Variants in TNRC6C observed in about 807,000 individuals in gnomAD.
TNRC6C encodes the protein trinucleotide repeat-containing gene 6C protein.
TNRC6C carries 20 observed loss-of-function variants against 153.7 expected under a neutral mutation model. The ratio of observed to expected loss-of-function variants is 0.13; its 90% confidence interval spans 0.09 to 0.19. The LOEUF (loss-of-function observed/expected upper bound fraction) is 0.19. Ranked by LOEUF, TNRC6C falls within the 10% of genes least tolerant of loss-of-function variation. The pLI is 1.00. For missense variants in TNRC6C, 1,987 were observed against 2,172.0 expected, an observed-to-expected ratio of 0.91 and a Z score of 1.69; for synonymous variants, 811 against 841.4, an observed-to-expected ratio of 0.96 and a Z score of 0.63.
intron 1 of TNRC6C, among the ~76,000 whole-genome samples, chr17:78,020,897 C>T (rs2071819745): frequency 6.6e-6 from 1 of 152,234 alleles, no homozygotes; most frequent in Non-Finnish European, 1.5e-5. Context: ...TCCTTCCCCT[C>T]TACACTTGTC....
intron 5 of TNRC6C, among the ~76,000 whole-genome samples, chr17:78,069,144 T>C (rs569066756): frequency 5.3e-5 from 8 of 151,284 alleles, no homozygotes; most frequent in African/African-American, 1.9e-4. Context: ...ACTGGAAAAA[T>C]ATGTTTATAA....
chr17:77,959,862 C>T (rs1393289338), intron 1 of TNRC6C, among the ~76,000 whole-genome samples: 3 of 152,180 alleles, frequency 2.0e-5, no homozygotes, highest in Admixed American at 1.3e-4. Flanking sequence ...GCCGCCTCTG[C>T]TTTAAGCGGT....
At chr17:78,093,732 G>A (rs2073432796) in exon 16 of TNRC6C, 2 of 1,613,826 alleles carry the variant, frequency 1.2e-6, no homozygotes, top group South Asian at 2.2e-5. Context: ...CCACCATCCA[G>A]GATGTCAACC....
At chr17:78,098,681 T>C (rs1327883975) in intron 17 of TNRC6C, 144 bp downstream of exon 20, 1 of 838,238 alleles carries the variant, frequency 1.2e-6, no homozygotes, top group Admixed American at 3.0e-5. Context: ...AGGGCCACCC[T>C]AGATGTCCAT....
chr17:77,993,162 A>G (rs141632647), intron 1 of TNRC6C, among the ~76,000 whole-genome samples: 1,978 of 152,236 alleles, frequency 0.013, 14 homozygotes, highest in Non-Finnish European at 0.02. Flanking sequence ...GGGTTTTACC[A>G]TGATGGCCAG....
intron 1 of TNRC6C, among the ~76,000 whole-genome samples, chr17:78,018,052 TCTA>T (rs1422957645): frequency 1.3e-5 from 2 of 152,362 alleles, no homozygotes; most frequent in Admixed American, 6.5e-5. Flanking sequence ...TAATGTCTCT[TCTA>T]CTATATGATA....
intron 1 of TNRC6C, among the ~76,000 whole-genome samples, chr17:77,965,888 T>C (rs2144039082): frequency 6.6e-6 from 1 of 152,338 alleles, no homozygotes; most frequent in South Asian, 2.1e-4. Flanking sequence ...TTTCCCAAAC[T>C]TATGTGGCCA....
chr17:78,007,753 T>C (rs1223120339), intron 1 of TNRC6C, among the ~76,000 whole-genome samples: 3 of 152,216 alleles, frequency 2.0e-5, no homozygotes, highest in African/African-American at 7.2e-5. Context: ...TAAATTAGAT[T>C]GCATAATATA....
chr17:78,066,640 T>C (rs905493769), intron 4 of TNRC6C: 5 of 152,212 alleles, frequency 3.3e-5, no homozygotes, highest in Non-Finnish European at 7.3e-5. Flanking sequence ...TTCCAAGAAG[T>C]GAAAATTTGG....
At chr17:78,042,643 A>C (rs1256934334) in intron 2 of TNRC6C, among the ~76,000 whole-genome samples, 1 of 151,848 alleles carries the variant, frequency 6.6e-6, no homozygotes, top group African/African-American at 2.4e-5. Flanking sequence ...TATTCTGATT[A>C]AAAGAATATG....
At chr17:78,102,895 T>C (rs1410560653) in intron 18 of TNRC6C, 5 of 258,240 alleles carry the variant, frequency 1.9e-5, no homozygotes, top group Non-Finnish European at 3.7e-5. Flanking sequence ...CCCAGCACTT[T>C]GGGAGGCCGA....
chr17:78,077,583 G>C (rs2073106541), intron 9 of TNRC6C: 1 of 545,638 alleles, frequency 1.8e-6, no homozygotes, highest in South Asian at 2.0e-5. Context: ...CAGCACCCTT[G>C]GTGCTAACTT....
At chr17:77,985,370 G>A (rs1229076181) in intron 1 of TNRC6C, among the ~76,000 whole-genome samples, 1 of 151,816 alleles carries the variant, frequency 6.6e-6, no homozygotes, top group Non-Finnish European at 1.5e-5. Context: ...CGAGGCGGGC[G>A]GATCATGAGG....
At chr17:78,002,651 G>A (rs1488565470), upstream of TNRC6C, among the ~76,000 whole-genome samples, 1 of 152,184 alleles carries the variant, frequency 6.6e-6, no homozygotes, top group Non-Finnish European at 1.5e-5. Context: ...CCAGCACTTT[G>A]GGAGGCTGAG....
Position 78,062,069 on chromosome 17 carries a change from A to G in TNRC6C, c.2396-2653A>G, listed in dbSNP as rs1046529938. Reference sequence around the variant, plus strand: ...AGCAACACATGAGTTATTTTAGCTTACTAAAACCTTGATAATTTTTATTAG... The same window carrying G: ...AGCAACACATGAGTTATTTTAGCTTGCTAAAACCTTGATAATTTTTATTAG... On this transcript the variant is annotated intron_variant, in intron 3 of 19. Coordinates refer to ENST00000301624, the Ensembl canonical transcript of TNRC6C. 1.1e-4 allele frequency among the ~76,000 whole-genome samples: 16 copies of G among 152,204 alleles called. 2 individuals carry two copies. The highest frequency in any genetic ancestry group is 9.2e-4 in the Admixed American group (14 of 15,280).
At chr17:77,978,780 A>G (rs1220301620) in intron 1 of TNRC6C, among the ~76,000 whole-genome samples, 1 of 151,788 alleles carries the variant, frequency 6.6e-6, no homozygotes, top group Non-Finnish European at 1.5e-5. Context: ...CCCCCTAAAA[A>G]CCCCAACTTT....
chr17:77,991,260 T>A (rs372422458), intron 1 of TNRC6C, among the ~76,000 whole-genome samples: 1 of 152,352 alleles, frequency 6.6e-6, no homozygotes, highest in East Asian at 1.9e-4. Flanking sequence ...GTATTGTTTG[T>A]TCAAGTCACA....
chr17:77,976,488 G>T (rs989985804), intron 1 of TNRC6C, among the ~76,000 whole-genome samples: 3 of 152,168 alleles, frequency 2.0e-5, no homozygotes, highest in African/African-American at 7.2e-5. Context: ...CCCAGTTAGG[G>T]TTCCAGAAAT....
upstream of TNRC6C, among the ~76,000 whole-genome samples, chr17:78,001,890 A>G (rs1469695579): frequency 6.6e-6 from 1 of 152,310 alleles, no homozygotes; most frequent in Admixed American, 6.5e-5. Context: ...AAGCATGATA[A>G]GATTATATTT....
Sources: allele counts gnomAD v4.1 joint callset (sites outside exome capture counted in the v4.1 genomes callset), GRCh38; gene constraint gnomAD v4.1.1; transcripts MANE v1.5; gene names NCBI Gene and HGNC (gene_info 2026-07-23, HGNC 2026-07-21).